The following CERS6 variants were observed in gnomAD, a reference collection of about 807,000 sequenced individuals.
CERS6 encodes ceramide synthase 6, also known as LAG1 homolog, ceramide synthase 6.
In CERS6, 26 loss-of-function variants were observed where a neutral mutation model predicts 56.8. That is an observed-to-expected ratio of 0.46 (90% CI 0.34 to 0.63). The LOEUF (loss-of-function observed/expected upper bound fraction) is 0.63, where lower values mean the gene tolerates loss of function less well. Ranked by LOEUF, CERS6 falls within the 30% of genes least tolerant of loss-of-function variation. The probability of loss-of-function intolerance (pLI) is 0.01; values close to 1 mark genes in which losing one functional copy is unlikely to be tolerated. For missense variants in CERS6, 415 were observed against 467.5 expected (o/e 0.89, Z 1.04); for synonymous variants, 164 against 173.3 (o/e 0.95, Z 0.42).
At chr2:168,546,103 T>C (rs1266046865) in intron 1 of CERS6, among the ~76,000 whole-genome samples, 1 of 152,244 alleles carries the variant, frequency 6.6e-6, no homozygotes, top group Non-Finnish European at 1.5e-5. Context: ...AAACAAGTTC[T>C]AGACTCTGTC....
chr2:168,515,078 T>C (rs1025810139), intron 1 of CERS6, among the ~76,000 whole-genome samples: 1 of 152,188 alleles, frequency 6.6e-6, no homozygotes, highest in African/African-American at 2.4e-5. Flanking sequence ...AGCTAGATAA[T>C]AGGAATAAAA....
intron 4 of CERS6, among the ~76,000 whole-genome samples, chr2:168,663,278 C>T (rs1172484640): frequency 6.6e-6 from 1 of 151,834 alleles, no homozygotes; most frequent in East Asian, 1.9e-4. Flanking sequence ...TGATTCATGC[C>T]TTTTAGATTT....
At chr2:168,527,960 A>T (rs1695099451) in intron 1 of CERS6, among the ~76,000 whole-genome samples, 1 of 151,988 alleles carries the variant, frequency 6.6e-6, no homozygotes, top group Non-Finnish European at 1.5e-5. Flanking sequence ...AGCTTGAGTG[A>T]TCTGCCCACC....
intron 4 of CERS6, among the ~76,000 whole-genome samples, chr2:168,687,415 C>T (rs1370221231): frequency 6.6e-6 from 1 of 152,128 alleles, no homozygotes; most frequent in Admixed American, 6.6e-5. Context: ...GGTCCGTGGC[C>T]TAATAGCATG....
chr2:168,549,526 T>G (rs571593337), intron 2 of CERS6, among the ~76,000 whole-genome samples: 1 of 152,086 alleles, frequency 6.6e-6, no homozygotes, highest in Non-Finnish European at 1.5e-5. Flanking sequence ...TCCCAGCTAC[T>G]CGGGAGGCTG....
At chr2:168,524,943 T>G (rs953300640) in intron 1 of CERS6, among the ~76,000 whole-genome samples, 1 of 152,144 alleles carries the variant, frequency 6.6e-6, no homozygotes, top group Middle Eastern at 3.2e-3. Context: ...TGGACATTTT[T>G]CCTGAAGAAA....
intron 3 of CERS6, among the ~76,000 whole-genome samples, chr2:168,563,594 G>A (rs988267335): frequency 6.6e-6 from 1 of 152,084 alleles, no homozygotes; most frequent in Non-Finnish European, 1.5e-5. Context: ...TCAGGAGATC[G>A]AGACCATCCT....
intron 3 of CERS6, among the ~76,000 whole-genome samples, chr2:168,617,825 C>A (rs1026599120): frequency 3.3e-5 from 5 of 152,188 alleles, no homozygotes; most frequent in Admixed American, 1.3e-4. Flanking sequence ...TGGTACCAAT[C>A]CTATTGACTC....
intron 1 of CERS6, among the ~76,000 whole-genome samples, chr2:168,516,551 A>G (rs1054796745): frequency 6.6e-6 from 1 of 152,154 alleles, no homozygotes; most frequent in Non-Finnish European, 1.5e-5. Flanking sequence ...CAGTGCCTTC[A>G]TTGATAAAAT....
chr2:168,517,850 G>A (rs1319040633), intron 1 of CERS6, among the ~76,000 whole-genome samples: 1 of 152,198 alleles, frequency 6.6e-6, no homozygotes, highest in Non-Finnish European at 1.5e-5. Context: ...AAATTTTGGA[G>A]GGGAAAGTAT....
chr2:168,742,172 T>A (rs1219649890), intron 8 of CERS6, among the ~76,000 whole-genome samples: 1 of 152,258 alleles, frequency 6.6e-6, no homozygotes, highest in Non-Finnish European at 1.5e-5. Context: ...TCACTTTGTA[T>A]TAGTCTCAAT....
chr2:168,501,173 G>A (rs1694573693), intron 1 of CERS6, among the ~76,000 whole-genome samples: 1 of 152,218 alleles, frequency 6.6e-6, no homozygotes, highest in Admixed American at 6.5e-5. Context: ...CCAAGGATGA[G>A]GCTTTGGTTA....
At chr2:168,633,268 C>T (rs1366165883) in intron 4 of CERS6, among the ~76,000 whole-genome samples, 1 of 151,686 alleles carries the variant, frequency 6.6e-6, no homozygotes, top group East Asian at 1.9e-4. Context: ...TCCATCCAAG[C>T]AGCACTCAAT....
intron 1 of CERS6, among the ~76,000 whole-genome samples, chr2:168,459,380 G>T (rs532672595): frequency 6.8e-4 from 104 of 152,242 alleles, no homozygotes; most frequent in African/African-American, 2.3e-3. Context: ...TTTTCATCCC[G>T]GCTGTTGTGG....
At chr2:168,672,927 C>T (rs142829496) in intron 4 of CERS6, among the ~76,000 whole-genome samples, 203 of 152,280 alleles carry the variant, frequency 1.3e-3, no homozygotes, top group African/African-American at 4.8e-3. Flanking sequence ...GAGATCAATT[C>T]CTTCCTTGTA....
chr2:168,751,907 C>A (rs1156664025), intron 8 of CERS6, among the ~76,000 whole-genome samples: 1 of 152,148 alleles, frequency 6.6e-6, no homozygotes, highest in African/African-American at 2.4e-5. Context: ...GCTCAAAATG[C>A]TCCCTTTGCT....
rs923584974 is a variant in CERS6 at position 168,584,064 on chromosome 2, T to C, written c.407+22742T>C. Reference sequence around the variant, plus strand: ...CCTAATTTTCAAAAGGTTAAGCAGTTTACCCACGATAGGTAGTGAGAGTCA... The same window carrying C: ...CCTAATTTTCAAAAGGTTAAGCAGTCTACCCACGATAGGTAGTGAGAGTCA... On this transcript the variant is annotated intron_variant, in intron 3 of 9. Transcript: ENST00000305747. Among the ~76,000 whole-genome samples, 30 of 152,224 alleles carry C rather than the reference T, an allele frequency of 2.0e-4. 1 individual carries two copies. Among genetic ancestry groups the C allele is most frequent in the Admixed American group, 1.3e-3 (20 of 15,290 alleles).
Position 168,770,950 on chromosome 2 carries a change from G to A in CERS6, c.*1288G>A, listed in dbSNP as rs1172890049. On this transcript the variant is annotated 3_prime_UTR_variant, in exon 10 of 10. Transcript: ENST00000305747. ...ATCAACAATGAGGAAAATTACTGAA[G>A]AATAAGTTTCCATAAGTCTCCTACA... is the stretch of plus-strand genomic sequence containing the variant. The A allele has an allele frequency of 6.6e-6, 1 of 152,080 alleles. No individual in the cohort carries two copies. The highest frequency in any genetic ancestry group is 1.9e-4 in the East Asian group (1 of 5,194). The allele number at this position is 152,080 out of a possible 1,614,324, so 9.4% of individuals were successfully genotyped here.
intron 3 of CERS6, among the ~76,000 whole-genome samples, chr2:168,575,269 T>C (rs1683234050): frequency 6.6e-6 from 1 of 152,062 alleles, no homozygotes; most frequent in Non-Finnish European, 1.5e-5. Context: ...TATAAAGATA[T>C]TACTGGAGAC....
Sources: gnomAD v4.1 joint callset for allele counts (sites outside exome capture counted in the v4.1 genomes callset) on GRCh38, gnomAD v4.1.1 for gene constraint, MANE v1.5 for transcripts, NCBI Gene and HGNC (gene_info 2026-07-23, HGNC 2026-07-21) for gene names.